Variants in EGFR observed in about 807,000 individuals in gnomAD.
EGFR encodes the protein epidermal growth factor receptor.
A neutral mutation model predicts 143.0 loss-of-function variants in EGFR; 58 were observed. The ratio of observed to expected loss-of-function variants is 0.41; its 90% CI spans 0.33 to 0.50. The LOEUF (loss-of-function observed/expected upper bound fraction) is 0.50. Ranked by LOEUF, EGFR falls within the 20% of genes least tolerant of loss-of-function variation. The probability of loss-of-function intolerance (pLI) is 0.39; values close to 1 mark genes in which losing one functional copy is unlikely to be tolerated. For synonymous variants in EGFR, 613 were observed against 594.4 expected, an observed-to-expected ratio of 1.03 and a Z score of -0.45; for missense variants, 1,307 against 1,579.0, an observed-to-expected ratio of 0.83 and a Z score of 2.92.
chr7:55,204,372 C>T (rs1196458230), intron 27 of EGFR, among the ~76,000 whole-genome samples: 1 of 148,278 alleles, frequency 6.7e-6, no homozygotes, highest in Admixed American at 6.8e-5. Flanking sequence ...CAACACCACA[C>T]AGACACCACA....
At chr7:55,143,164 G>A (rs1794561797) in intron 2 of EGFR, 141 bp from the exon 3 acceptor site, 4 of 791,734 alleles carry the variant, frequency 5.1e-6, no homozygotes, top group Admixed American at 4.1e-5. Context: ...GACTGCAATC[G>A]TCTACCTATT....
intron 15 of EGFR, chr7:55,170,565 T>C: frequency 6.2e-7 from 1 of 1,612,280 alleles, no homozygotes; most frequent in Non-Finnish European, 8.5e-7. Context: ...TTCACGTGTC[T>C]GTTCCCCCCG....
chr7:55,175,432 A>G (rs1786553048), intron 19 of EGFR, among the ~76,000 whole-genome samples: 1 of 152,208 alleles, frequency 6.6e-6, no homozygotes, highest in South Asian at 2.1e-4. Flanking sequence ...GATTATTGTT[A>G]TCTTCTTACT....
At chr7:55,187,301 G>A (rs1369905244) in intron 20 of EGFR, among the ~76,000 whole-genome samples, 2 of 129,438 alleles carry the variant, frequency 1.5e-5, no homozygotes, top group Admixed American at 8.1e-5. Flanking sequence ...CTCCATGGGT[G>A]CTATCTCTAC....
intron 1 of EGFR, among the ~76,000 whole-genome samples, chr7:55,079,331 G>A (rs1287328050): frequency 6.6e-6 from 1 of 152,218 alleles, no homozygotes. Flanking sequence ...CGGGGAAGAG[G>A]GGCGGGTCGG....
rs373757472 is a variant in EGFR, at chr7:55,113,110, G to A, written c.89-29176G>A. Reference sequence around the variant, plus strand: ...ACAGGCTGTCTGCCAGGGGAGCAGCGATTCCTGTATGTTGTAGAAAGTTTT... The same window carrying A: ...ACAGGCTGTCTGCCAGGGGAGCAGCAATTCCTGTATGTTGTAGAAAGTTTT... On this transcript the variant is annotated intron_variant, in intron 1 of 27. Coordinates refer to ENST00000275493, the MANE Select transcript of EGFR (RefSeq NM_005228.5). 2.0e-4 allele frequency among the ~76,000 whole-genome samples: 31 copies of A among 152,292 alleles called. No homozygotes were observed. The South Asian group carries it at 2.3e-3, about 11-fold the overall frequency.
intron 20 of EGFR, among the ~76,000 whole-genome samples, chr7:55,189,661 G>T (rs368299701): frequency 6.6e-6 from 1 of 152,194 alleles, no homozygotes; most frequent in Admixed American, 6.5e-5. Flanking sequence ...ATGGGGACTT[G>T]TGTGTGGCTC....
intron 15 of EGFR, chr7:55,168,485 A>G: frequency 8.8e-7 from 1 of 1,130,068 alleles, no homozygotes; most frequent in Non-Finnish European, 1.4e-6. Context: ...TAAAAATGTT[A>G]GTGGTCATTT....
chr7:55,172,991 T>C lies in EGFR; in HGVS notation c.1928T>C (p.Ile643Thr). 6.2e-7 allele frequency: 1 copy of C among 1,614,168 alleles called. No homozygotes were observed. The highest frequency in any genetic ancestry group is 1.3e-5 in the African/African-American group (1 of 75,054). Reference protein sequence around the residue: ...LEGCPTNGPKIPSIATGMVGA... With the variant: ...LEGCPTNGPKTPSIATGMVGA... ...CCTCCACCTCATTCCAGGCCTAAGA[T>C]CCCGTCCATCGCCACTGGGATGGTG... The change falls in exon 17 of 28, where the codon ATC becomes ACC. Residue 643 changes from isoleucine (I) to threonine (T), a missense_variant. By Grantham distance (89) the Ile-to-Thr change is moderately conservative. Around this residue, in one of 7 missense-constraint regions of EGFR, gnomAD observed 348 missense variants for 451.5 expected, o/e 0.77. Transcript: ENST00000275493.
At chr7:55,021,007 TG>T (rs1786536388) in intron 1 of EGFR, among the ~76,000 whole-genome samples, 2 of 152,114 alleles carry the variant, frequency 1.3e-5, no homozygotes, top group African/African-American at 4.8e-5. Flanking sequence ...TGTGATCTGT[TG>T]GGCAGCCAGA....
intron 1 of EGFR, among the ~76,000 whole-genome samples, chr7:55,068,153 A>G (rs975231237): frequency 2.1e-5 from 3 of 145,828 alleles, no homozygotes; most frequent in Non-Finnish European, 2.9e-5. Flanking sequence ...AAAATCTCTC[A>G]TCACCTTTTT....
At chr7:55,173,579 G>A (rs181230572) in intron 17 of EGFR, among the ~76,000 whole-genome samples, 27 of 152,366 alleles carry the variant, frequency 1.8e-4, no homozygotes, top group South Asian at 4.1e-4. Flanking sequence ...AAGCATAAGC[G>A]CGTGTGATGT....
intron 17 of EGFR, among the ~76,000 whole-genome samples, chr7:55,173,561 C>T (rs1039221949): frequency 2.6e-5 from 4 of 152,244 alleles, no homozygotes; most frequent in Admixed American, 6.5e-5. Context: ...AGCAACCCAG[C>T]GGCTCATAAG....
At chr7:55,081,720 G>GT (rs34610296) in intron 1 of EGFR, among the ~76,000 whole-genome samples, 14,157 of 131,820 alleles carry the variant, frequency 0.11, 1,031 homozygotes, top group African/African-American at 0.21. Flanking sequence ...TTTTAGACTG[G>GT]TTTTTTTTTT....
intron 20 of EGFR, among the ~76,000 whole-genome samples, chr7:55,188,333 G>A (rs964595073): frequency 2.6e-4 from 39 of 151,896 alleles, no homozygotes; most frequent in South Asian, 2.1e-4. Flanking sequence ...CGTGGGGTGC[G>A]GCAGCCCCTG....
chr7:55,172,933 T>A (rs775641231), intron 16 of EGFR, 50 bp from the exon 17 acceptor site: 33 of 1,613,862 alleles, frequency 2.0e-5, no homozygotes, highest in Non-Finnish European at 1.9e-5. Context: ...GCCAAGGCCA[T>A]GGAATCTGTC....
At chr7:55,037,783 T>TAA (rs1787678339) in intron 1 of EGFR, among the ~76,000 whole-genome samples, 1 of 152,226 alleles carries the variant, frequency 6.6e-6, no homozygotes, top group African/African-American at 2.4e-5. Context: ...CAACTCAGAT[T>TAA]TACTTTCTCC....
At chr7:55,188,420 A>G (rs892542386) in intron 20 of EGFR, among the ~76,000 whole-genome samples, 9 of 152,326 alleles carry the variant, frequency 5.9e-5, no homozygotes, top group African/African-American at 1.7e-4. Context: ...AAGCCCCGAC[A>G]GCCATGTGGA....
chr7:55,079,928 A>C (rs1181309455), intron 1 of EGFR, among the ~76,000 whole-genome samples: 2 of 152,166 alleles, frequency 1.3e-5, no homozygotes, highest in East Asian at 3.8e-4. Flanking sequence ...GTTTGCAAAT[A>C]TTTACTCTCA....
Sources: gnomAD v4.1 joint callset for allele counts (sites outside exome capture counted in the v4.1 genomes callset) on GRCh38, gnomAD v4.1.1 for gene constraint, gnomAD v4.1.1 regional missense constraint, MANE v1.5 for transcripts, NCBI Gene and HGNC (gene_info 2026-07-23, HGNC 2026-07-21) for gene names.